Variants in RAB3IP observed in about 807,000 individuals in gnomAD.
The protein encoded by RAB3IP is rab-3A-interacting protein.
A neutral mutation model predicts 59.1 loss-of-function variants in RAB3IP; 36 were observed. That is an observed-to-expected ratio of 0.61 (90% CI 0.47 to 0.80). RAB3IP has a LOEUF of 0.80. Among genes scored for constraint, RAB3IP ranks in the 30% least tolerant of loss-of-function variants. The pLI, the probability that RAB3IP is intolerant of heterozygous loss-of-function variation, is 0.00. For synonymous variants in RAB3IP, 207 were observed against 191.2 expected, an observed-to-expected ratio of 1.08 and a Z score of -0.68; for missense variants, 511 against 536.0, an observed-to-expected ratio of 0.95 and a Z score of 0.46.
chr12:69,799,720 A>G (rs1878077218), intron 6 of RAB3IP, among the ~76,000 whole-genome samples: 1 of 152,214 alleles, frequency 6.6e-6, no homozygotes, highest in Admixed American at 6.5e-5. Flanking sequence ...ATCCCAAACT[A>G]GGTTTCACAG....
chr12:69,815,329 T>A, intron 10 of RAB3IP, 35 bp from the exon 11 acceptor site: 1 of 1,427,192 alleles, frequency 7.0e-7, no homozygotes, highest in Non-Finnish European at 9.9e-7. Context: ...GATGGTATTT[T>A]ATGATTTAAA....
Position 69,819,807 on chromosome 12 carries a change from C to T in RAB3IP, c.*4361C>T, listed in dbSNP as rs1881507462. 1 of 152,176 alleles carries T rather than the reference C, an allele frequency of 6.6e-6. No homozygotes were observed. Among genetic ancestry groups the T allele is most frequent in the Non-Finnish European group, 1.5e-5 (1 of 68,042 alleles). 9.4% of individuals were successfully genotyped at this position (152,176 alleles called of 1,614,324 possible). On this transcript the variant is annotated 3_prime_UTR_variant, in exon 11 of 11. Transcript: ENST00000247833. ...GCTCTGGATTGGGAGTCACTTAGACCTACATTCTGGTCTAGGTTTGGCTCC... is the reference window on the plus strand; with the variant it reads ...GCTCTGGATTGGGAGTCACTTAGACTTACATTCTGGTCTAGGTTTGGCTCC...
rs998688352 is a variant in RAB3IP at position 69,818,290 on chromosome 12, T to G, written c.*2844T>G. 1 of 152,026 alleles carries G rather than the reference T, an allele frequency of 6.6e-6. No homozygotes were observed. Among genetic ancestry groups the G allele is most frequent in the Admixed American group, 6.6e-5 (1 of 15,260 alleles). 9.4% of individuals were successfully genotyped at this position (152,026 alleles called of 1,614,324 possible). ...GGGAGACCACATCTGCACAAAAAGA[T>G]TTTTTTGAATTAGCTGGGCATGGTG... is the stretch of plus-strand genomic sequence containing the variant. On this transcript the variant is annotated 3_prime_UTR_variant, in exon 11 of 11. Coordinates refer to ENST00000247833, the MANE Select transcript of RAB3IP (RefSeq NM_022456.5).
At chr12:69,800,962 G>C (rs139713897) in intron 7 of RAB3IP, among the ~76,000 whole-genome samples, 1 of 152,110 alleles carries the variant, frequency 6.6e-6, no homozygotes, top group African/African-American at 2.4e-5. Flanking sequence ...TTATAACGTT[G>C]CTTACCAGGA....
At chr12:69,742,438 T>C (rs544021656) in intron 1 of RAB3IP, among the ~76,000 whole-genome samples, 2 of 152,370 alleles carry the variant, frequency 1.3e-5, no homozygotes, top group South Asian at 4.1e-4. Context: ...TATGCTTTTA[T>C]AATACTGAGT....
intron 1 of RAB3IP, chr12:69,739,509 G>A: frequency 3.1e-6 from 1 of 322,296 alleles, no homozygotes; most frequent in Non-Finnish European, 5.7e-6. Flanking sequence ...ACCGGACGCC[G>A]CGCGGCAGGG....
At chr12:69,791,457 A>G (rs1361629761) in intron 4 of RAB3IP, among the ~76,000 whole-genome samples, 2 of 152,156 alleles carry the variant, frequency 1.3e-5, no homozygotes, top group African/African-American at 4.8e-5. Context: ...TATCCAAAGT[A>G]TATAAGGCAT....
At chr12:69,785,310 G>A (rs1466354465) in intron 4 of RAB3IP, among the ~76,000 whole-genome samples, 3 of 152,322 alleles carry the variant, frequency 2.0e-5, no homozygotes, top group East Asian at 1.9e-4. Context: ...ACTGTAGGAC[G>A]TTTAGTGTCC....
intron 3 of RAB3IP, among the ~76,000 whole-genome samples, chr12:69,783,351 T>C (rs1349169381): frequency 3.9e-5 from 6 of 152,196 alleles, no homozygotes; most frequent in Non-Finnish European, 5.9e-5. Flanking sequence ...AGGATACTTA[T>C]TTTCTCTCTC....
chr12:69,756,275 T>C (rs572551335), intron 2 of RAB3IP, 130 bp from the exon 3 acceptor site: 21 of 880,026 alleles, frequency 2.4e-5, no homozygotes, highest in Middle Eastern at 4.8e-4. Context: ...CTGATATGAC[T>C]GAGGACATAC....
chr12:69,761,649 A>C (rs1483112047), intron 3 of RAB3IP, among the ~76,000 whole-genome samples: 1 of 152,220 alleles, frequency 6.6e-6, no homozygotes, highest in African/African-American at 2.4e-5. Flanking sequence ...GTTTGTGCTC[A>C]TGATTATATC....
At position 69,794,464 on chromosome 12, in the gene RAB3IP, A is replaced by G; in HGVS notation, c.634A>G (p.Asn212Asp). Residue 212 changes from asparagine to aspartate, a missense_variant, in exon 5 of 11, where the codon AAT becomes GAT. By Grantham distance (23) the Asn-to-Asp change is conservative. Transcript: ENST00000247833. ...EEAHKMVREA[N>D]IKQATAEKQL... ...AGCTCATAAAATGGTGAGAGAAGCA[A>G]ATATCAAGCAGGCAACAGCAGAAAA... 1.2e-6 allele frequency: 2 copies of G among 1,613,380 alleles called. No homozygotes were observed. Among genetic ancestry groups the G allele is most frequent in the South Asian group, 1.1e-5 (1 of 90,942 alleles).
At chr12:69,794,581 A>C in intron 5 of RAB3IP, 67 bp downstream of exon 5, 2 of 1,251,582 alleles carry the variant, frequency 1.6e-6, no homozygotes, top group Non-Finnish European at 2.3e-6. Flanking sequence ...ATACCTTAAC[A>C]TCTGTTGGAT....
chr12:69,756,376 T>C (rs1470156844), intron 2 of RAB3IP, 29 bp from the exon 3 acceptor site: 1 of 1,607,858 alleles, frequency 6.2e-7, no homozygotes, highest in African/African-American at 1.3e-5. Context: ...ATGCTGATAT[T>C]TTCTGAAAAA....
intron 6 of RAB3IP, 57 bp from the exon 7 acceptor site, chr12:69,800,152 G>A (rs1161950564): frequency 6.6e-6 from 9 of 1,356,346 alleles, no homozygotes; most frequent in Non-Finnish European, 6.8e-6. Context: ...TTTGTAAAGC[G>A]GTTTTTATGT....
intron 8 of RAB3IP, among the ~76,000 whole-genome samples, chr12:69,808,980 G>C (rs1452590165): frequency 6.6e-6 from 1 of 151,770 alleles, no homozygotes; most frequent in Admixed American, 6.6e-5. Flanking sequence ...AGTTGATGCA[G>C]TTTCTTCCTA....
At chr12:69,760,634 T>C (rs1871163128) in intron 3 of RAB3IP, among the ~76,000 whole-genome samples, 1 of 152,238 alleles carries the variant, frequency 6.6e-6, no homozygotes. Flanking sequence ...TGTATGTCTG[T>C]GTTCATTTTT....
intron 3 of RAB3IP, among the ~76,000 whole-genome samples, chr12:69,782,980 C>T (rs1875004137): frequency 1.3e-5 from 2 of 152,150 alleles, no homozygotes; most frequent in Non-Finnish European, 2.9e-5. Flanking sequence ...CTTTGAGTAA[C>T]TTAAAAATGT....
chr12:69,768,812 A>G (rs1236357437), intron 3 of RAB3IP, among the ~76,000 whole-genome samples: 1 of 152,062 alleles, frequency 6.6e-6, no homozygotes, highest in Non-Finnish European at 1.5e-5. Flanking sequence ...CCTCACTCTA[A>G]AACAGGTGCT....
Sources: gnomAD v4.1 joint callset for allele counts (sites outside exome capture counted in the v4.1 genomes callset) on GRCh38, gnomAD v4.1.1 for gene constraint, MANE v1.5 for transcripts, NCBI Gene and HGNC (gene_info 2026-07-23, HGNC 2026-07-21) for gene names.